NUDT14: variants seen among roughly 807,000 people sequenced by gnomAD.
NUDT14 encodes uridine diphosphate glucose pyrophosphatase NUDT14.
NUDT14 carries 22 observed loss-of-function variants against 17.5 expected under a neutral mutation model. That is an observed-to-expected ratio of 1.26 (90% CI 0.90 to 1.80). The LOEUF (loss-of-function observed/expected upper bound fraction) is 1.80, where lower values mean the gene tolerates loss of function less well. Among genes scored for constraint, NUDT14 ranks in the 40% most tolerant of loss-of-function variants. The pLI is 0.00. For synonymous variants in NUDT14, 129 were observed against 125.8 expected, an observed-to-expected ratio of 1.03 and a Z score of -0.17; for missense variants, 296 against 295.6, an observed-to-expected ratio of 1.00 and a Z score of -0.01.
At position 105,181,162 on chromosome 14, in the gene NUDT14, G is replaced by A; in HGVS notation, c.48C>T (p.Pro16=). 1 of 1,177,584 alleles carries A rather than the reference G, an allele frequency of 8.5e-7. No individual in the cohort carries two copies. Among genetic ancestry groups the A allele is most frequent in the Non-Finnish European group, 1.1e-6 (1 of 945,240 alleles). 72.9% of individuals were successfully genotyped at this position (1,177,584 alleles called of 1,614,324 possible). ...GASVGRCAAS[P]YLRPLTLHYR... is the part of the protein sequence containing the mutation. ...AATGCAGCGTGAGCGGCCGCAGGTA[G>A]GGTGAGGCGGCGCAGCGGCCCACGG... The change falls in exon 1 of 5, where the codon CCC becomes CCT. Residue 16 remains proline (P), a synonymous_variant. Transcript: ENST00000392568. This position sits in a 1 kb window ranked among gnomAD's most constrained non-coding sequence, Gnocchi z 5.0.
At position 105,173,383 on chromosome 14, in the gene NUDT14, C is replaced by T. The variant is rs987150340; in HGVS notation, c.429-122G>A. On this transcript the variant is annotated intron_variant, in intron 4 of 4. Coordinates refer to ENST00000392568, the MANE Select transcript of NUDT14 (RefSeq NM_177533.5). This position sits in a 1 kb window ranked among gnomAD's most constrained non-coding sequence, Gnocchi z 4.7. Reference sequence around the variant, plus strand: ...CCCTCCAGCCCTCCAGTAGGCAGGACTCTGGGATGCCCTCTCCCACCCGGA... The same window carrying T: ...CCCTCCAGCCCTCCAGTAGGCAGGATTCTGGGATGCCCTCTCCCACCCGGA... 24 of 1,155,226 alleles carry T rather than the reference C, an allele frequency of 2.1e-5. No individual in the cohort carries two copies. In the Admixed American group the frequency reaches 3.4e-4, roughly 16 times the overall value. 71.6% of individuals were successfully genotyped at this position (1,155,226 alleles called of 1,614,324 possible). A position where few individuals can be genotyped will look rare whatever the true frequency, so the allele number is the denominator to read the frequency against.
Position 105,181,206 on chromosome 14 carries a change from C to T in NUDT14, c.4G>A (p.Glu2Lys). 8.7e-7 allele frequency: 1 copy of T among 1,155,244 alleles called. No individual in the cohort carries two copies. The highest frequency in any genetic ancestry group is 1.1e-6 in the Non-Finnish European group (1 of 935,366). 71.6% of individuals were successfully genotyped at this position (1,155,244 alleles called of 1,614,324 possible). A position where few individuals can be genotyped will look rare whatever the true frequency, so the allele number is the denominator to read the frequency against. Reference sequence around the variant, plus strand: ...CCCACGGACGCCCCCTCGATGCGCTCCATGGCGGCGCCCGGACAGGCGGGG... The same window carrying T: ...CCCACGGACGCCCCCTCGATGCGCTTCATGGCGGCGCCCGGACAGGCGGGG... M[E>K]RIEGASVGRC... is the part of the protein sequence containing the mutation. The change falls in exon 1 of 5, where the codon GAG (glutamate) becomes AAG (lysine). Residue 2 changes from glutamate to lysine, a missense_variant. Glu to Lys is a moderately conservative substitution (Grantham distance 56, BLOSUM62 1). Coordinates refer to ENST00000392568, the MANE Select transcript of NUDT14 (RefSeq NM_177533.5). This position sits in a 1 kb window ranked among gnomAD's most constrained non-coding sequence, Gnocchi z 5.0.
chr14:105,177,788 G>A (rs1483263679), intron 1 of NUDT14, 53 bp from the exon 2 acceptor site: 10 of 1,571,280 alleles, frequency 6.4e-6, no homozygotes, highest in African/African-American at 4.0e-5. Context: ...GGAGGTGCTC[G>A]GGGAACCGAG....
intron 1 of NUDT14, among the ~76,000 whole-genome samples, chr14:105,178,955 C>T (rs1889273708): frequency 6.6e-6 from 1 of 152,110 alleles, no homozygotes. Flanking sequence ...TGGGGTACCA[C>T]TCCCGGGAGG....
intron 1 of NUDT14, among the ~76,000 whole-genome samples, chr14:105,179,156 G>A (rs1005749168): frequency 2.0e-5 from 3 of 152,182 alleles, no homozygotes; most frequent in East Asian, 1.9e-4. Flanking sequence ...GGTCAAAAGC[G>A]TGTCAGACCC....
chr14:105,175,506 A>G, intron 4 of NUDT14: 1 of 156,374 alleles, frequency 6.4e-6, no homozygotes, highest in Non-Finnish European at 1.4e-5. Flanking sequence ...GGTTCAAGCG[A>G]TTCTCCTGCC....
chr14:105,181,269 C>T lies in NUDT14; in HGVS notation c.-60G>A. On this transcript the variant is annotated 5_prime_UTR_variant, in exon 1 of 5. Coordinates refer to ENST00000392568, the MANE Select transcript of NUDT14 (RefSeq NM_177533.5). This position sits in a 1 kb window ranked among gnomAD's most constrained non-coding sequence, Gnocchi z 5.0. ...GCGGGGGCCGACACGGGGCGGCGCC[C>T]TGTCCCGACAGGAGCCTTCGGGCGG... 1.5e-6 allele frequency: 1 copy of T among 664,408 alleles called. No homozygotes were observed. Among genetic ancestry groups the T allele is most frequent in the Non-Finnish European group, 1.9e-6 (1 of 514,244 alleles). 41.2% of individuals were successfully genotyped at this position (664,408 alleles called of 1,614,324 possible).
At position 105,181,141 on chromosome 14, in the gene NUDT14, C is replaced by T; in HGVS notation, c.69G>A (p.Leu23=). The T allele has an allele frequency of 2.6e-6, 3 of 1,138,622 alleles. No individual in the cohort carries two copies. The highest frequency in any genetic ancestry group is 5.5e-5 in the South Asian group (2 of 36,678). 70.5% of individuals were successfully genotyped at this position (1,138,622 alleles called of 1,614,324 possible). Residue 23 remains leucine (L), a synonymous_variant, in exon 1 of 5, where the codon CTG becomes CTA. Transcript: ENST00000392568. This position sits in a 1 kb window ranked among gnomAD's most constrained non-coding sequence, Gnocchi z 5.0. ...GGCGCGGGCTCACCTGGCGGTAATG[C>T]AGCGTGAGCGGCCGCAGGTAGGGTG... ...AASPYLRPLT[L]HYRQNGAQKS...
chr14:105,178,854 C>T (rs587724851), intron 1 of NUDT14, among the ~76,000 whole-genome samples: 3 of 152,268 alleles, frequency 2.0e-5, no homozygotes, highest in East Asian at 1.9e-4. Flanking sequence ...TGAGCTTGGC[C>T]GGGAGGCAAA....
At chr14:105,175,312 G>C (rs1401743298) in intron 4 of NUDT14, among the ~76,000 whole-genome samples, 1 of 152,242 alleles carries the variant, frequency 6.6e-6, no homozygotes. Flanking sequence ...CCCACCACGG[G>C]GTAGACACCT....
Position 105,173,253 on chromosome 14 carries a change from A to C in NUDT14, c.437T>G (p.Val146Gly), listed in dbSNP as rs1291182211. ...GGTCTGTCTGGAGCCAGTCAGTCCC[A>C]CTCCAGACCTACGGGTTGAGACAGG... is the stretch of plus-strand genomic sequence containing the variant. ...LRRVATYWSG[V>G]GLTGSRQTMF... Residue 146 changes from valine (V) to glycine (G), a missense_variant, in exon 5 of 5, where the codon GTG becomes GGG. Coordinates refer to ENST00000392568, the MANE Select transcript of NUDT14 (RefSeq NM_177533.5). This position sits in a 1 kb window ranked among gnomAD's most constrained non-coding sequence, Gnocchi z 4.7. 3 of 1,543,420 alleles carry C rather than the reference A, an allele frequency of 1.9e-6. No homozygotes were observed. Among genetic ancestry groups the C allele is most frequent in the Non-Finnish European group, 2.6e-6 (3 of 1,145,876 alleles).
intron 4 of NUDT14, chr14:105,176,051 G>A (rs927476045): frequency 8.4e-7 from 1 of 1,192,600 alleles, no homozygotes; most frequent in Non-Finnish European, 1.1e-6. Context: ...ACCCCAGCTG[G>A]CAGCCCTCGC....
Position 105,173,999 on chromosome 14 carries a change from C to T in NUDT14, c.429-738G>A, listed in dbSNP as rs1461392571. Among the ~76,000 whole-genome samples, 1 of 152,086 alleles carries T rather than the reference C, an allele frequency of 6.6e-6. No individual in the cohort carries two copies. Among genetic ancestry groups the T allele is most frequent in the Non-Finnish European group, 1.5e-5 (1 of 68,010 alleles). ...CACCAGGCCTTCCCGCAAGGGTTCCCCACCAGGCACCCACAGGACACAAGT... is the reference window on the plus strand; with the variant it reads ...CACCAGGCCTTCCCGCAAGGGTTCCTCACCAGGCACCCACAGGACACAAGT... On this transcript the variant is annotated intron_variant, in intron 4 of 4. Coordinates refer to ENST00000392568, the MANE Select transcript of NUDT14 (RefSeq NM_177533.5). The surrounding 1 kb of genome is among the most constrained non-coding windows in gnomAD (Gnocchi z 4.7).
intron 1 of NUDT14, among the ~76,000 whole-genome samples, chr14:105,178,084 G>A (rs11625865): frequency 0.61 from 92,678 of 151,998 alleles, 28,370 homozygotes; most frequent in Middle Eastern, 0.72. Context: ...ATGGAGGCTC[G>A]GGGAGGGCAG....
In NUDT14 at chr14:105,173,356, C is replaced by A; in HGVS notation, c.429-95G>T. On this transcript the variant is annotated intron_variant, in intron 4 of 4. Coordinates refer to ENST00000392568, the MANE Select transcript of NUDT14 (RefSeq NM_177533.5). The surrounding 1 kb of genome is among the most constrained non-coding windows in gnomAD (Gnocchi z 4.7). ...CCTCCAACCCACCCTCTCCACTCTG[C>A]TCCCTCCAGCCCTCCAGTAGGCAGG... The A allele has an allele frequency of 7.5e-6, 10 of 1,335,142 alleles. No homozygotes were observed. The highest frequency in any genetic ancestry group is 1.5e-5 in the African/African-American group (1 of 66,632). The allele number at this position is 1,335,142 out of a possible 1,614,324, so 82.7% of individuals were successfully genotyped here.
In NUDT14 at chr14:105,173,159, C is replaced by A. The variant is rs774626091; in HGVS notation, c.531G>T (p.Glu177Asp). 54 of 1,610,816 alleles carry A rather than the reference C, an allele frequency of 3.4e-5. No individual in the cohort carries two copies. The South Asian group carries it at 5.4e-4, about 16-fold the overall frequency. The change falls in exon 5 of 5, where the codon GAG becomes GAT. Residue 177 changes from glutamate to aspartate, a missense_variant. By Grantham distance (45) the Glu-to-Asp change is conservative. Transcript: ENST00000392568. This position sits in a 1 kb window ranked among gnomAD's most constrained non-coding sequence, Gnocchi z 4.7. Reference sequence around the variant, plus strand: ...GGGGCAGGTGCACCACCTCAATGAGCTCACCCTCCTCCACCAGGCCCCCAC... The same window carrying A: ...GGGGCAGGTGCACCACCTCAATGAGATCACCCTCCTCCACCAGGCCCCCAC... ...GPGGGLVEEG[E>D]LIEVVHLPLE...
At chr14:105,176,002 G>A (rs375719562) in intron 4 of NUDT14, 5 of 1,269,004 alleles carry the variant, frequency 3.9e-6, no homozygotes, top group Non-Finnish European at 1.0e-6. Context: ...GGAAGTGGAT[G>A]GGCTTCATAC....
At chr14:105,177,308 G>A (rs1428966315) in intron 2 of NUDT14, 9 of 603,078 alleles carry the variant, frequency 1.5e-5, no homozygotes, top group South Asian at 3.6e-5. Flanking sequence ...CAGGGTGCTC[G>A]CAGCTGAGGC....
rs1050477502 is a variant in NUDT14 at position 105,181,311 on chromosome 14, C to T, written c.-102G>A. ...TTCGGGCGGGCGCGTGACCGCGGCT[C>T]TGAGCATGCTCCGTGGGCGCGCGGG... is the stretch of plus-strand genomic sequence containing the variant. On this transcript the variant is annotated 5_prime_UTR_variant, in exon 1 of 5. Transcript: ENST00000392568. The surrounding 1 kb of genome is among the most constrained non-coding windows in gnomAD (Gnocchi z 5.0). 613 of 421,410 alleles carry T rather than the reference C, an allele frequency of 1.5e-3. 2 individuals carry two copies. The highest frequency in any genetic ancestry group is 0.013 in the African/African-American group (583 of 45,776). 26.1% of individuals were successfully genotyped at this position (421,410 alleles called of 1,614,324 possible). A position where few individuals can be genotyped will look rare whatever the true frequency, so the allele number is the denominator to read the frequency against.
Sources: gnomAD v4.1 joint callset for allele counts (sites outside exome capture counted in the v4.1 genomes callset) on GRCh38, gnomAD v4.1.1 for gene constraint, Gnocchi (gnomAD v3.1) non-coding constraint, MANE v1.5 for transcripts, NCBI Gene and HGNC (gene_info 2026-07-23, HGNC 2026-07-21) for gene names.